Variants in CACNG4 observed in about 807,000 individuals in gnomAD.
CACNG4 encodes the protein calcium voltage-gated channel auxiliary subunit gamma 4.
In CACNG4, 8 loss-of-function variants were observed where a neutral mutation model predicts 22.9. The observed-to-expected ratio is 0.35, with a 90% CI of 0.21 to 0.63. The LOEUF is 0.63. Among genes scored for constraint, CACNG4 ranks in the 30% least tolerant of loss-of-function variants. The pLI, the probability that CACNG4 is intolerant of heterozygous loss-of-function variation, is 0.72. For missense variants in CACNG4, 357 were observed against 455.4 expected (o/e 0.78, Z 1.97); for synonymous variants, 188 against 191.9 (o/e 0.98, Z 0.17).
chr17:66,993,220 A>G (rs900848475), intron 1 of CACNG4, among the ~76,000 whole-genome samples: 1 of 152,202 alleles, frequency 6.6e-6, no homozygotes, highest in African/African-American at 2.4e-5. Flanking sequence ...GGGGCTTGGC[A>G]TTTGCTGAGA....
At chr17:67,017,372 C>T (rs530709118) in intron 1 of CACNG4, among the ~76,000 whole-genome samples, 2 of 152,252 alleles carry the variant, frequency 1.3e-5, no homozygotes, top group South Asian at 2.1e-4. Context: ...CCACTGCATC[C>T]GGCCATAACT....
Position 67,008,920 on chromosome 17 carries a change from G to T in CACNG4, c.221-9269G>T, listed in dbSNP as rs975478684. ...GCCGAGATCGCGCCACTTCACTCCA[G>T]CCTGGGTGACAGGGTGAGACCCTGT... On this transcript the variant is annotated intron_variant, in intron 1 of 3. Coordinates refer to ENST00000262138, the MANE Select transcript of CACNG4 (RefSeq NM_014405.4). Among the ~76,000 whole-genome samples the T allele has an allele frequency of 3.9e-5, 6 of 152,114 alleles. 1 individual carries two copies. The East Asian group carries it at 5.8e-4, about 15-fold the overall frequency.
At chr17:66,975,555 C>T (rs974970052) in intron 1 of CACNG4, among the ~76,000 whole-genome samples, 8 of 152,214 alleles carry the variant, frequency 5.3e-5, no homozygotes, top group Admixed American at 3.9e-4. Flanking sequence ...TACCCCTTCT[C>T]GTGCCTGGCA....
chr17:66,981,415 A>G (rs2035271904), intron 1 of CACNG4, among the ~76,000 whole-genome samples: 1 of 152,202 alleles, frequency 6.6e-6, no homozygotes, highest in Non-Finnish European at 1.5e-5. Context: ...TATTCTTGCA[A>G]GCAGTTTTTT....
intron 2 of CACNG4, among the ~76,000 whole-genome samples, chr17:67,020,449 G>A (rs1482383267): frequency 1.3e-5 from 2 of 152,238 alleles, no homozygotes; most frequent in Non-Finnish European, 2.9e-5. Context: ...GGGGAAAGCA[G>A]CCAGGTTCAT....
chr17:67,024,947 A>G lies in CACNG4; in HGVS notation c.392A>G (p.Tyr131Cys). ...GGLCIGAGRI[Y>C]SRKNNIVLSA... ...CTGTGCATCGGTGCTGGCAGGATCT[A>G]CAGCCGCAAGAACAACATCGTCCTC... Residue 131 changes from tyrosine to cysteine, a missense_variant, in exon 3 of 4, where the codon TAC becomes TGC. This residue lies in a region of CACNG4 where 240 missense variants were observed against 277.6 expected (regional missense o/e 0.86). Transcript: ENST00000262138. 6.2e-7 allele frequency: 1 copy of G among 1,606,508 alleles called. No homozygotes were observed. The highest frequency in any genetic ancestry group is 8.5e-7 in the Non-Finnish European group (1 of 1,177,632).
At chr17:67,021,833 C>G (rs1205372325) in intron 2 of CACNG4, 3 of 152,286 alleles carry the variant, frequency 2.0e-5, no homozygotes, top group Non-Finnish European at 2.9e-5. Flanking sequence ...GATCCTCTGC[C>G]AGGGCTTGAT....
intron 1 of CACNG4, among the ~76,000 whole-genome samples, chr17:66,971,666 G>T (rs1012975407): frequency 2.0e-5 from 3 of 152,164 alleles, no homozygotes; most frequent in African/African-American, 7.2e-5. Context: ...GGAAGGTCAT[G>T]TTTAAGCCAA....
intron 1 of CACNG4, among the ~76,000 whole-genome samples, chr17:66,978,991 G>C: frequency 6.6e-6 from 1 of 152,204 alleles, no homozygotes; most frequent in East Asian, 1.9e-4. Flanking sequence ...GGAGTTCCCT[G>C]CTGGCTGCAG....
intron 1 of CACNG4, among the ~76,000 whole-genome samples, chr17:67,012,539 T>A (rs978129835): frequency 1.3e-5 from 2 of 152,148 alleles, no homozygotes; most frequent in African/African-American, 4.8e-5. Flanking sequence ...AGAAGCAGTG[T>A]AGAAAGGACT....
At chr17:67,005,465 G>A (rs1448945641) in intron 1 of CACNG4, among the ~76,000 whole-genome samples, 1 of 152,194 alleles carries the variant, frequency 6.6e-6, no homozygotes, top group Non-Finnish European at 1.5e-5. Context: ...CTGCACAGGT[G>A]CTCACAACAC....
At chr17:67,024,135 G>A (rs751970729) in intron 2 of CACNG4, among the ~76,000 whole-genome samples, 5 of 152,142 alleles carry the variant, frequency 3.3e-5, no homozygotes, top group Non-Finnish European at 5.9e-5. Context: ...CATCCCTCTC[G>A]GCCCAGCCAC....
chr17:66,984,751 G>A lies in CACNG4; in HGVS notation c.220+19620G>A, dbSNP rs557307673. On this transcript the variant is annotated intron_variant, in intron 1 of 3. Transcript: ENST00000262138. The surrounding 1 kb of genome is among the most constrained non-coding windows in gnomAD (Gnocchi z 4.0). ...TCATGGGATCCTCATAACCCCACAGGAAGGTGGGTTCTGTCACCCTGGATT... is the reference window on the plus strand; with the variant it reads ...TCATGGGATCCTCATAACCCCACAGAAAGGTGGGTTCTGTCACCCTGGATT... Among the ~76,000 whole-genome samples the A allele has an allele frequency of 6.6e-6, 1 of 152,242 alleles. No individual in the cohort carries two copies. The highest frequency in any genetic ancestry group is 1.5e-5 in the Non-Finnish European group (1 of 68,016).
chr17:66,994,832 AG>A (rs1256306523), intron 1 of CACNG4, among the ~76,000 whole-genome samples: 1 of 151,904 alleles, frequency 6.6e-6, no homozygotes, highest in Non-Finnish European at 1.5e-5. Flanking sequence ...GTGGTAGTGG[AG>A]GGGGAGGGAG....
chr17:67,025,059 C>G (rs909051759), intron 3 of CACNG4, 59 bp downstream of exon 3: 1 of 1,477,452 alleles, frequency 6.8e-7, no homozygotes, highest in Non-Finnish European at 9.0e-7. Flanking sequence ...GAGTGCCTGT[C>G]TCGTGTGGTC....
intron 1 of CACNG4, among the ~76,000 whole-genome samples, chr17:66,972,787 G>A (rs749010335): frequency 3.3e-5 from 5 of 151,812 alleles, no homozygotes; most frequent in African/African-American, 9.7e-5. Context: ...TTAGCCGGGC[G>A]TAGTGGTGCA....
chr17:66,991,574 C>T (rs2035340734), intron 1 of CACNG4, among the ~76,000 whole-genome samples: 1 of 152,146 alleles, frequency 6.6e-6, no homozygotes, highest in South Asian at 2.1e-4. Context: ...AGTAGACTGG[C>T]AACACCTCCC....
chr17:66,996,819 G>A (rs2035378173), intron 1 of CACNG4, among the ~76,000 whole-genome samples: 1 of 152,322 alleles, frequency 6.6e-6, no homozygotes, highest in South Asian at 2.1e-4. Context: ...TACAATGACA[G>A]GGATGTGTAC....
intron 1 of CACNG4, among the ~76,000 whole-genome samples, chr17:67,008,842 A>G (rs2035451889): frequency 6.6e-6 from 1 of 152,130 alleles, no homozygotes; most frequent in Non-Finnish European, 1.5e-5. Context: ...CCAGCTACTC[A>G]GAAGGCTAAG....
Sources: allele counts gnomAD v4.1 joint callset (sites outside exome capture counted in the v4.1 genomes callset), GRCh38; gene constraint gnomAD v4.1.1; regional missense constraint gnomAD v4.1.1; non-coding constraint Gnocchi (gnomAD v3.1); transcripts MANE v1.5; gene names NCBI Gene and HGNC (gene_info 2026-07-23, HGNC 2026-07-21).